The following CREG1 variants were observed in gnomAD, a reference collection of about 807,000 sequenced individuals.
CREG1 encodes cellular repressor of E1A stimulated genes 1.
Under a neutral mutation model 19.9 loss-of-function variants are expected in CREG1, and 20 were observed. The observed-to-expected ratio is 1.01, with a 90% CI of 0.71 to 1.46. The LOEUF is 1.46. Ranked by LOEUF, CREG1 falls within the 40% of genes most tolerant of loss-of-function variation. The pLI is 0.00. For missense variants in CREG1, 290 were observed against 314.9 expected (o/e 0.92, Z 0.60); for synonymous variants, 141 against 143.3 (o/e 0.98, Z 0.12).
intron 1 of CREG1, among the ~76,000 whole-genome samples, chr1:167,550,772 G>C (rs1355771775): frequency 6.6e-6 from 1 of 152,142 alleles, no homozygotes. Flanking sequence ...GAAGAGGTCA[G>C]AAATGGACAC....
chr1:167,553,688 C>T lies in CREG1; in HGVS notation c.54G>A (p.Ala18=), dbSNP rs1375080646. The T allele has an allele frequency of 7.6e-7, 1 of 1,317,796 alleles. No individual in the cohort carries two copies. The highest frequency in any genetic ancestry group is 9.6e-7 in the Non-Finnish European group (1 of 1,039,924). 81.6% of individuals were successfully genotyped at this position (1,317,796 alleles called of 1,614,324 possible). A position where few individuals can be genotyped will look rare whatever the true frequency, so the allele number is the denominator to read the frequency against. Residue 18 remains alanine, a synonymous_variant, in exon 1 of 4, where the codon GCG becomes GCA. Transcript: ENST00000370509. The stretch of plus-strand genomic sequence containing the variant: ...ACACGAGCAGCGCCAACAGCGTCGA[C>T]GCCAGCAGGGCGGCGAGCAGTGCGC... ...SARALLAALL[A]STLLALLVSP...
At chr1:167,548,884 T>G (rs1773537) in intron 1 of CREG1, among the ~76,000 whole-genome samples, 6,271 of 152,240 alleles carry the variant, frequency 0.041, 415 homozygotes, top group African/African-American at 0.14. Flanking sequence ...AAATAGTCAC[T>G]GTCTAGAAAC....
In CREG1 at chr1:167,553,759, G is replaced by C. The variant is rs1656476154; in HGVS notation, c.-18C>G. 2 of 1,232,946 alleles carry C rather than the reference G, an allele frequency of 1.6e-6. No individual in the cohort carries two copies. Among genetic ancestry groups the C allele is most frequent in the Non-Finnish European group, 2.1e-6 (2 of 975,204 alleles). 76.4% of individuals were successfully genotyped at this position (1,232,946 alleles called of 1,614,324 possible). A position where few individuals can be genotyped will look rare whatever the true frequency, so the allele number is the denominator to read the frequency against. The stretch of plus-strand genomic sequence containing the variant: ...CCGGCCATGGCGGTGTCTCCAGGAA[G>C]AGTCCCGGGCCCCAAGACCTGCAGG... On this transcript the variant is annotated 5_prime_UTR_variant, in exon 1 of 4. Coordinates refer to ENST00000370509, the MANE Select transcript of CREG1 (RefSeq NM_003851.3).
intron 1 of CREG1, among the ~76,000 whole-genome samples, chr1:167,551,290 A>G (rs1656419763): frequency 6.6e-6 from 1 of 152,214 alleles, no homozygotes; most frequent in Non-Finnish European, 1.5e-5. Flanking sequence ...CCTGTCAATG[A>G]GAAGAAATGC....
intron 2 of CREG1, among the ~76,000 whole-genome samples, chr1:167,546,789 A>G (rs1239275262): frequency 6.6e-6 from 1 of 152,282 alleles, no homozygotes; most frequent in Non-Finnish European, 1.5e-5. Flanking sequence ...TGTTGGTAAT[A>G]ACAGATACCA....
chr1:167,551,052 GC>G, intron 1 of CREG1, among the ~76,000 whole-genome samples: 1 of 152,302 alleles, frequency 6.6e-6, no homozygotes, highest in Admixed American at 6.5e-5. Flanking sequence ...AGACTCACTG[GC>G]TCTGCAGCCA....
intron 3 of CREG1, among the ~76,000 whole-genome samples, chr1:167,544,297 T>C (rs1337453247): frequency 6.6e-6 from 1 of 151,858 alleles, no homozygotes; most frequent in African/African-American, 2.4e-5. Flanking sequence ...ACACACACTG[T>C]CCTAGGCCCT....
At chr1:167,546,045 G>C in intron 3 of CREG1, 56 bp downstream of exon 3, 5 of 1,466,294 alleles carry the variant, frequency 3.4e-6, no homozygotes, top group Non-Finnish European at 4.6e-6. Context: ...TGCCTTAGAA[G>C]GCTGAGGATG....
At chr1:167,551,717 G>A (rs538038496) in intron 1 of CREG1, among the ~76,000 whole-genome samples, 2 of 152,328 alleles carry the variant, frequency 1.3e-5, no homozygotes, top group South Asian at 2.1e-4. Flanking sequence ...AATAAAATGT[G>A]CTTTCAATAA....
At chr1:167,544,433 T>A (rs915522935) in intron 3 of CREG1, among the ~76,000 whole-genome samples, 10 of 152,196 alleles carry the variant, frequency 6.6e-5, no homozygotes, top group African/African-American at 2.2e-4. Context: ...ATGCTAAGAA[T>A]TTAAGCCCTC....
At chr1:167,546,572 G>A (rs1656329658) in intron 2 of CREG1, among the ~76,000 whole-genome samples, 1 of 152,192 alleles carries the variant, frequency 6.6e-6, no homozygotes, top group South Asian at 2.1e-4. Flanking sequence ...AACCCGGGAG[G>A]CGGAGCTTGC....
At chr1:167,548,999 A>T (rs1279407794) in intron 1 of CREG1, among the ~76,000 whole-genome samples, 2 of 152,252 alleles carry the variant, frequency 1.3e-5, no homozygotes, top group Non-Finnish European at 2.9e-5. Context: ...AGACATAAAC[A>T]AATGTGTATG....
chr1:167,549,062 C>T (rs968314326), intron 1 of CREG1, among the ~76,000 whole-genome samples: 2 of 152,118 alleles, frequency 1.3e-5, no homozygotes, highest in African/African-American at 4.8e-5. Context: ...ATAATATATT[C>T]AAAACCAGGA....
intron 1 of CREG1, among the ~76,000 whole-genome samples, chr1:167,548,603 C>A (rs542436344): frequency 1.2e-4 from 19 of 152,296 alleles, no homozygotes; most frequent in African/African-American, 4.3e-4. Context: ...CATGTGATTT[C>A]AAAACTGGAG....
intron 3 of CREG1, 74 bp downstream of exon 3, chr1:167,546,027 A>AC: frequency 7.5e-7 from 1 of 1,325,244 alleles, no homozygotes. Flanking sequence ...AAACGGTTAA[A>AC]CCCCCCTTGC....
chr1:167,551,695 G>T (rs1278028675), intron 1 of CREG1, among the ~76,000 whole-genome samples: 1 of 152,176 alleles, frequency 6.6e-6, no homozygotes, highest in Non-Finnish European at 1.5e-5. Context: ...GCGGGAAGGG[G>T]TGTTGTCTTA....
intron 1 of CREG1, among the ~76,000 whole-genome samples, chr1:167,552,567 C>A (rs1324616735): frequency 6.6e-6 from 1 of 152,214 alleles, no homozygotes; most frequent in Non-Finnish European, 1.5e-5. Flanking sequence ...TACTGAGGAG[C>A]CACTATGCCT....
rs980472389 is a variant in CREG1, at chr1:167,553,699, C to T, written c.43G>A (p.Ala15Thr). Residue 15 changes from alanine to threonine, a missense_variant, in exon 1 of 4, where the codon GCC (alanine) becomes ACC (threonine). Physicochemically the swap from Ala to Thr is moderately conservative, Grantham distance 58 (BLOSUM62 0). Transcript: ENST00000370509. ...SRGSARALLA[A>T]LLASTLLALL... ...GCCAACAGCGTCGACGCCAGCAGGG[C>T]GGCGAGCAGTGCGCGCGCGGACCCG... 77 of 1,307,820 alleles carry T rather than the reference C, an allele frequency of 5.9e-5. No individual in the cohort carries two copies. Among genetic ancestry groups the T allele is most frequent in the Non-Finnish European group, 7.1e-5 (73 of 1,034,504 alleles). The allele number at this position is 1,307,820 out of a possible 1,614,324, so 81.0% of individuals were successfully genotyped here.
At position 167,547,982 on chromosome 1, in the gene CREG1, C is replaced by A. The variant is rs111660378; in HGVS notation, c.474+20G>T. On this transcript the variant is annotated intron_variant, in intron 2 of 3. Coordinates refer to ENST00000370509, the MANE Select transcript of CREG1 (RefSeq NM_003851.3). Reference sequence around the variant, plus strand: ...ATGGTGTTCTGAAACCATCTCCCTTCCTGTAGGATAACTACTTACCTTGGT... The same window carrying A: ...ATGGTGTTCTGAAACCATCTCCCTTACTGTAGGATAACTACTTACCTTGGT... The A allele has an allele frequency of 8.3e-4, 1,321 of 1,597,162 alleles. 10 individuals are homozygous for A. The African/African-American group carries it at 0.016, about 19-fold the overall frequency.
Sources: allele counts gnomAD v4.1 joint callset (sites outside exome capture counted in the v4.1 genomes callset), GRCh38; gene constraint gnomAD v4.1.1; transcripts MANE v1.5; gene names NCBI Gene and HGNC (gene_info 2026-07-23, HGNC 2026-07-21).